The following PITPNC1 variants were observed in gnomAD, a reference collection of about 807,000 sequenced individuals.
PITPNC1 encodes the protein cytoplasmic phosphatidylinositol transfer protein 1.
PITPNC1 carries 18 observed loss-of-function variants against 44.7 expected under a neutral mutation model. The observed-to-expected ratio is 0.40, with a 90% CI of 0.28 to 0.60. The LOEUF is 0.60. Among genes scored for constraint, PITPNC1 ranks in the 20% least tolerant of loss-of-function variants. PITPNC1 has a pLI of 0.39. For synonymous variants in PITPNC1, 141 were observed against 149.6 expected (o/e 0.94, Z 0.42); for missense variants, 290 against 418.4 (o/e 0.69, Z 2.68).
intron 6 of PITPNC1, among the ~76,000 whole-genome samples, chr17:67,656,777 A>G (rs2042273735): frequency 6.6e-6 from 1 of 152,176 alleles, no homozygotes; most frequent in Admixed American, 6.6e-5. Context: ...ACCTCTTTTT[A>G]AAATAAGGAA....
chr17:67,515,091 G>T (rs1365309977), intron 1 of PITPNC1, among the ~76,000 whole-genome samples: 5 of 152,156 alleles, frequency 3.3e-5, no homozygotes, highest in Admixed American at 3.3e-4. Flanking sequence ...AATCAGATTT[G>T]TCTGATTTCT....
chr17:67,538,627 A>C (rs1348645944), intron 2 of PITPNC1, among the ~76,000 whole-genome samples: 2 of 152,190 alleles, frequency 1.3e-5, no homozygotes, highest in Non-Finnish European at 2.9e-5. Flanking sequence ...AGATAGATAA[A>C]TTCCAGATTG....
intron 4 of PITPNC1, among the ~76,000 whole-genome samples, chr17:67,577,943 C>T (rs2041172016): frequency 6.6e-6 from 1 of 152,176 alleles, no homozygotes. Context: ...ATGTTCTCTT[C>T]AGGGACTTGC....
intron 5 of PITPNC1, among the ~76,000 whole-genome samples, chr17:67,599,026 A>ATTTTTTT (rs2041501882): frequency 3.1e-5 from 1 of 32,482 alleles, no homozygotes; most frequent in African/African-American, 1.4e-4. Context: ...ATATATATAT[A>ATTTTTTT]TATATATATT....
intron 1 of PITPNC1, among the ~76,000 whole-genome samples, chr17:67,484,763 C>A (rs1171742115): frequency 1.3e-5 from 2 of 152,050 alleles, no homozygotes; most frequent in Non-Finnish European, 2.9e-5. Context: ...CATGGTGAAA[C>A]CTAGACTCTA....
chr17:67,602,090 G>C (rs982589844), intron 5 of PITPNC1, among the ~76,000 whole-genome samples: 1 of 152,202 alleles, frequency 6.6e-6, no homozygotes, highest in Non-Finnish European at 1.5e-5. Context: ...TGAATGAGTG[G>C]TACCATCAGC....
intron 5 of PITPNC1, among the ~76,000 whole-genome samples, chr17:67,614,681 A>T (rs1172068719): frequency 1.3e-5 from 2 of 150,538 alleles, no homozygotes; most frequent in African/African-American, 4.9e-5. Context: ...CAAAAAAAAA[A>T]AAAATAAATA....
At chr17:67,557,703 A>G (rs1264590978) in intron 4 of PITPNC1, among the ~76,000 whole-genome samples, 3 of 152,246 alleles carry the variant, frequency 2.0e-5, no homozygotes, top group African/African-American at 7.2e-5. Flanking sequence ...TGTCCACGAC[A>G]GCCCTGGTGG....
intron 2 of PITPNC1, 129 bp from the exon 3 acceptor site, chr17:67,552,128 G>C (rs1195455730): frequency 1.2e-5 from 8 of 651,098 alleles, no homozygotes; most frequent in East Asian, 1.1e-4. Flanking sequence ...GATGGGGAAA[G>C]GGCAGCTGTG....
rs536138036 is a variant in PITPNC1, at chr17:67,504,629, CTTCT to C, written c.49-28166_49-28163del. On this transcript the variant is annotated intron_variant, in intron 1 of 8. Transcript: ENST00000581322. ...TCAATATCAGGGGAATTCAGTCAGT[CTTCT>C]TTCTTTTTTGTTTGGCCAGTTTAGC... Among the ~76,000 whole-genome samples the C allele has an allele frequency of 3.6e-3, 548 of 152,156 alleles. 6 individuals carry two copies. Among genetic ancestry groups the C allele is most frequent in the Non-Finnish European group, 5.0e-3 (338 of 67,996 alleles).
chr17:67,538,035 G>C (rs2040553563), intron 2 of PITPNC1, among the ~76,000 whole-genome samples: 2 of 151,720 alleles, frequency 1.3e-5, no homozygotes, highest in Non-Finnish European at 2.9e-5. Flanking sequence ...AATTTGGAAA[G>C]TTGAAGGAGG....
chr17:67,630,871 C>G (rs556774778), intron 5 of PITPNC1, among the ~76,000 whole-genome samples: 1 of 151,354 alleles, frequency 6.6e-6, no homozygotes, highest in East Asian at 2.0e-4. Context: ...AGCATCACGC[C>G]CGGCTAATTT....
At chr17:67,482,772 GT>G (rs2039721548) in intron 1 of PITPNC1, among the ~76,000 whole-genome samples, 1 of 152,180 alleles carries the variant, frequency 6.6e-6, no homozygotes, top group Admixed American at 6.5e-5. Context: ...GAAAATTGCT[GT>G]TTTGCAAATT....
chr17:67,432,049 A>G (rs1386287119), intron 1 of PITPNC1, among the ~76,000 whole-genome samples: 1 of 152,226 alleles, frequency 6.6e-6, no homozygotes, highest in Non-Finnish European at 1.5e-5. Context: ...TGTTCCTGAT[A>G]AGAAAGGTTT....
In PITPNC1 at chr17:67,405,386, C is replaced by T. The variant is rs144838625; in HGVS notation, c.48+27184C>T. The stretch of plus-strand genomic sequence containing the variant: ...GAGCTGTGATTGTGCCACTGTACTC[C>T]AGTCTGGGTGATAGAGCAAGACCCT... On this transcript the variant is annotated intron_variant, in intron 1 of 8. Transcript: ENST00000581322. Among the ~76,000 whole-genome samples the T allele has an allele frequency of 5.3e-4, 80 of 150,770 alleles. No homozygotes were observed. In the East Asian group the frequency reaches 0.014, roughly 27 times the overall value.
intron 1 of PITPNC1, among the ~76,000 whole-genome samples, chr17:67,385,221 C>T (rs1028022248): frequency 5.3e-5 from 8 of 152,040 alleles, no homozygotes; most frequent in South Asian, 2.1e-4. Context: ...CTAAAATACG[C>T]TAATCAGCAG....
intron 5 of PITPNC1, among the ~76,000 whole-genome samples, chr17:67,625,646 C>T (rs2041886765): frequency 6.6e-6 from 1 of 152,216 alleles, no homozygotes; most frequent in South Asian, 2.1e-4. Context: ...ACCGCTGCCA[C>T]TTCCCACTGC....
chr17:67,641,795 TAATA>T (rs934003058), intron 6 of PITPNC1, among the ~76,000 whole-genome samples: 4 of 146,868 alleles, frequency 2.7e-5, no homozygotes, highest in African/African-American at 9.9e-5. Flanking sequence ...ATAATAATAA[TAATA>T]ATAATAATAA....
intron 5 of PITPNC1, among the ~76,000 whole-genome samples, chr17:67,608,625 G>A (rs1414875507): frequency 6.6e-6 from 1 of 151,216 alleles, no homozygotes; most frequent in African/African-American, 2.4e-5. Context: ...CGAGCAGCTG[G>A]GACTACAGGC....
Sources: gnomAD v4.1 joint callset for allele counts (sites outside exome capture counted in the v4.1 genomes callset) on GRCh38, gnomAD v4.1.1 for gene constraint, MANE v1.5 for transcripts, NCBI Gene and HGNC (gene_info 2026-07-23, HGNC 2026-07-21) for gene names.